FAM118B: variants seen among roughly 807,000 people sequenced by gnomAD.
FAM118B encodes SIR2 antiphage like 1.
A neutral mutation model predicts 38.5 loss-of-function variants in FAM118B; 24 were observed. That is an observed-to-expected ratio of 0.62 (90% CI 0.45 to 0.88). The LOEUF (loss-of-function observed/expected upper bound fraction) is 0.88, where lower values mean the gene tolerates loss of function less well. FAM118B is among the 40% of genes least tolerant of loss of function. The pLI is 0.00. For missense variants in FAM118B, 334 were observed against 420.0 expected (o/e 0.80, Z 1.79); for synonymous variants, 138 against 156.3 (o/e 0.88, Z 0.87).
At chr11:126,231,225 A>G (rs934732412) in intron 2 of FAM118B, among the ~76,000 whole-genome samples, 3 of 152,226 alleles carry the variant, frequency 2.0e-5, no homozygotes, top group African/African-American at 7.2e-5. Flanking sequence ...GGTAATGAAG[A>G]CACTGCCACA....
chr11:126,259,358 A>G (rs1950634018), intron 7 of FAM118B, among the ~76,000 whole-genome samples: 1 of 152,150 alleles, frequency 6.6e-6, no homozygotes. Context: ...ATTTTGGAAA[A>G]ATCAAGCAGT....
In FAM118B at chr11:126,255,517, T is replaced by C. The variant is rs912950846; in HGVS notation, c.697-1050T>C. 1.3e-5 allele frequency among the ~76,000 whole-genome samples: 2 copies of C among 152,226 alleles called. No individual in the cohort carries two copies. Among genetic ancestry groups the C allele is most frequent in the African/African-American group, 2.4e-5 (1 of 41,444 alleles). ...CACACACACACACATACTGATGTTC[T>C]AAGTATCAAACGCCTTTCCTTGAGC... is the stretch of plus-strand genomic sequence containing the variant. On this transcript the variant is annotated intron_variant, in intron 6 of 8. Transcript: ENST00000533050. The surrounding 1 kb of genome is among the most constrained non-coding windows in gnomAD (Gnocchi z 4.6).
At chr11:126,245,571 G>A (rs1174798579) in intron 4 of FAM118B, among the ~76,000 whole-genome samples, 1 of 152,042 alleles carries the variant, frequency 6.6e-6, no homozygotes, top group African/African-American at 2.4e-5. Context: ...GCTTGTACCT[G>A]TAATCCCAAC....
intron 4 of FAM118B, among the ~76,000 whole-genome samples, chr11:126,243,191 C>A (rs1950379907): frequency 6.6e-6 from 1 of 152,162 alleles, no homozygotes; most frequent in African/African-American, 2.4e-5. Context: ...CTTGACAGGG[C>A]TAGAGGAAAT....
chr11:126,235,815 G>A (rs1014547352), intron 3 of FAM118B, among the ~76,000 whole-genome samples: 2 of 146,928 alleles, frequency 1.4e-5, no homozygotes, highest in African/African-American at 5.4e-5. Flanking sequence ...CACTGTGCCC[G>A]GCCTGGTTCA....
chr11:126,258,972 G>A (rs561970255), intron 7 of FAM118B, among the ~76,000 whole-genome samples: 1 of 152,272 alleles, frequency 6.6e-6, no homozygotes, highest in South Asian at 2.1e-4. Flanking sequence ...AGCTGTGTAG[G>A]CTTCCTACCA....
At chr11:126,242,627 C>T (rs539629177) in intron 4 of FAM118B, among the ~76,000 whole-genome samples, 23 of 152,234 alleles carry the variant, frequency 1.5e-4, no homozygotes, top group Middle Eastern at 6.8e-3. Context: ...TAAGTGCATA[C>T]GAAAAGATGT....
intron 7 of FAM118B, among the ~76,000 whole-genome samples, chr11:126,260,091 GCA>G (rs1243931881): frequency 6.6e-6 from 1 of 151,598 alleles, no homozygotes; most frequent in Non-Finnish European, 1.5e-5. Context: ...CAGTACAATG[GCA>G]CAGTCATGGC....
At position 126,249,748 on chromosome 11, in the gene FAM118B, A is replaced by G. The variant is rs531717649; in HGVS notation, c.340-758A>G. 7.3e-3 allele frequency among the ~76,000 whole-genome samples: 1,101 copies of G among 150,170 alleles called. 16 individuals are homozygous for G. The highest frequency in any genetic ancestry group is 0.024 in the African/African-American group (966 of 40,850). The stretch of plus-strand genomic sequence containing the variant: ...CTCCGTCTCAAAAAAAAAAAAAAAA[A>G]AAAAAAGAAAAAGAAAAGGAGATGC... On this transcript the variant is annotated intron_variant, in intron 4 of 8. Transcript: ENST00000533050.
At chr11:126,214,405 TTCC>T (rs1949937816) in intron 1 of FAM118B, 2 of 123,048 alleles carry the variant, frequency 1.6e-5, no homozygotes, top group Non-Finnish European at 1.7e-5. Flanking sequence ...TTTTTTTTTT[TTCC>T]AATTTTCAAA....
chr11:126,255,636 A>C lies in FAM118B; in HGVS notation c.697-931A>C, dbSNP rs532897175. ...TCCAGAAATGGAAGGATTAAGATAT[A>C]TGAAGACCTACTCTTTGCACAATGA... is the stretch of plus-strand genomic sequence containing the variant. On this transcript the variant is annotated intron_variant, in intron 6 of 8. Coordinates refer to ENST00000533050, the MANE Select transcript of FAM118B (RefSeq NM_024556.4). The surrounding 1 kb of genome is among the most constrained non-coding windows in gnomAD (Gnocchi z 4.6). Among the ~76,000 whole-genome samples the C allele has an allele frequency of 1.3e-5, 2 of 152,318 alleles. No individual in the cohort carries two copies. Among genetic ancestry groups the C allele is most frequent in the South Asian group, 4.1e-4 (2 of 4,822 alleles).
chr11:126,215,696 C>CAA (rs56687894), intron 1 of FAM118B, among the ~76,000 whole-genome samples: 1,152 of 93,426 alleles, frequency 0.012, 17 homozygotes, highest in East Asian at 0.025. Context: ...GACTCCGTCT[C>CAA]AAAAAAAAAA....
chr11:126,213,061 GAATT>G (rs1949911301), intron 1 of FAM118B, among the ~76,000 whole-genome samples: 1 of 152,160 alleles, frequency 6.6e-6, no homozygotes, highest in Non-Finnish European at 1.5e-5. Context: ...CTTTGAGTTT[GAATT>G]AATTGAGTTA....
intron 1 of FAM118B, among the ~76,000 whole-genome samples, chr11:126,227,767 T>G (rs1437722295): frequency 1.3e-5 from 2 of 151,968 alleles, no homozygotes; most frequent in African/African-American, 4.8e-5. Flanking sequence ...CACTTGAGGG[T>G]TTTTAATGGT....
Position 126,211,844 on chromosome 11 carries a change from G to C in FAM118B, c.-77+14G>C. The C allele has an allele frequency of 1.7e-6, 1 of 580,070 alleles. No individual in the cohort carries two copies. Among genetic ancestry groups the C allele is most frequent in the South Asian group, 2.2e-5 (1 of 46,086 alleles). The allele number at this position is 580,070 out of a possible 1,614,324, so 35.9% of individuals were successfully genotyped here. On this transcript the variant is annotated intron_variant, in intron 1 of 8. Coordinates refer to ENST00000533050, the MANE Select transcript of FAM118B (RefSeq NM_024556.4). ...GGAGGAGACTCGGTGAGTGTGTAGGGAAGCCGGGCTGGGGCTGGGAAATGC... is the reference window on the plus strand; with the variant it reads ...GGAGGAGACTCGGTGAGTGTGTAGGCAAGCCGGGCTGGGGCTGGGAAATGC...
At position 126,248,358 on chromosome 11, in the gene FAM118B, CTTTTTTTTTT is replaced by C. The variant is rs1167017613; in HGVS notation, c.340-2128_340-2119del. 4.8e-3 allele frequency among the ~76,000 whole-genome samples: 178 copies of C among 36,960 alleles called. 1 individual carries two copies. Among genetic ancestry groups the C allele is most frequent in the Non-Finnish European group, 2.0e-3 (47 of 23,064 alleles). 24.2% of individuals were successfully genotyped at this position (36,960 alleles called of 152,430 possible). On this transcript the variant is annotated intron_variant, in intron 4 of 8. Transcript: ENST00000533050. The stretch of plus-strand genomic sequence containing the variant: ...GTATCTGACCTTCAATAGTAGTTGA[CTTTTTTTTTT>C]TTTTTTTTTTTTTTTTTTTGAGATG...
chr11:126,256,739 G>C lies in FAM118B; in HGVS notation c.869G>C (p.Arg290Pro). ...RGDVDEFKKL[R>P]ENMLDKGIKV... is the part of the protein sequence containing the mutation. ...GACGTAGATGAGTTCAAAAAGCTTC[G>C]AGAAAACATGCTGGACAAGGGGATT... The change falls in exon 7 of 9, where the codon CGA becomes CCA. Residue 290 changes from arginine to proline, a missense_variant. Transcript: ENST00000533050. The surrounding 1 kb of genome is among the most constrained non-coding windows in gnomAD (Gnocchi z 6.6). 6.2e-7 allele frequency: 1 copy of C among 1,614,060 alleles called. No homozygotes were observed. The highest frequency in any genetic ancestry group is 8.5e-7 in the Non-Finnish European group (1 of 1,180,002).
intron 2 of FAM118B, among the ~76,000 whole-genome samples, chr11:126,232,729 A>T (rs1029459819): frequency 5.9e-4 from 90 of 151,786 alleles, no homozygotes; most frequent in African/African-American, 2.1e-3. Context: ...TTTTAAAAAA[A>T]TATATTTTTT....
At chr11:126,251,460 C>T (rs372246470) in intron 5 of FAM118B, among the ~76,000 whole-genome samples, 27 of 152,286 alleles carry the variant, frequency 1.8e-4, no homozygotes, top group African/African-American at 6.3e-4. Context: ...TGAAATACCA[C>T]TCTTGTGGTT....
Sources: allele counts gnomAD v4.1 joint callset (sites outside exome capture counted in the v4.1 genomes callset), GRCh38; gene constraint gnomAD v4.1.1; non-coding constraint Gnocchi (gnomAD v3.1); transcripts MANE v1.5; gene names NCBI Gene and HGNC (gene_info 2026-07-23, HGNC 2026-07-21).